Variants in AARS1 observed in about 807,000 individuals in gnomAD.
The protein encoded by AARS1 is alanine--tRNA ligase, cytoplasmic.
A neutral mutation model predicts 108.9 loss-of-function variants in AARS1; 72 were observed. That is an observed-to-expected ratio of 0.66 (90% CI 0.55 to 0.80). The LOEUF is 0.80. AARS1 is among the 30% of genes least tolerant of loss of function. The pLI, the probability that AARS1 is intolerant of heterozygous loss-of-function variation, is 0.00. For missense variants in AARS1, 1,193 were observed against 1,233.2 expected (o/e 0.97, Z 0.49); for synonymous variants, 489 against 465.7 (o/e 1.05, Z -0.64).
At chr16:70,279,487 C>G (rs1009116887) in intron 2 of AARS1, among the ~76,000 whole-genome samples, 12 of 151,392 alleles carry the variant, frequency 7.9e-5, no homozygotes, top group Non-Finnish European at 1.5e-4. Flanking sequence ...TGGCGAAACC[C>G]TGTCTCTACT....
At chr16:70,282,318 G>C (rs1960717047) in intron 2 of AARS1, among the ~76,000 whole-genome samples, 1 of 111,940 alleles carries the variant, frequency 8.9e-6, no homozygotes, top group South Asian at 3.3e-4. Flanking sequence ...GACAGAGCGA[G>C]ACTCCGTCTC....
intron 4 of AARS1, among the ~76,000 whole-genome samples, chr16:70,272,779 G>A (rs1015001072): frequency 6.8e-5 from 9 of 132,204 alleles, no homozygotes; most frequent in Admixed American, 2.8e-4. Context: ...AAAATTAGCT[G>A]GGGGGGTGAT....
At chr16:70,281,529 G>A (rs79809458) in intron 2 of AARS1, among the ~76,000 whole-genome samples, 10,743 of 152,060 alleles carry the variant, frequency 0.071, 1,276 homozygotes, top group African/African-American at 0.24. Flanking sequence ...AGCCAGGTGT[G>A]GTGGCGCACG....
chr16:70,259,028 C>T lies in AARS1; in HGVS notation c.1944G>A (p.Gln648=). Residue 648 remains glutamine, a synonymous_variant, in exon 14 of 21, where the codon CAG becomes CAA. Coordinates refer to ENST00000261772, the MANE Select transcript of AARS1 (RefSeq NM_001605.3). ...TAGCAATCTCTTCAGCCTTCTTGAT[C>T]TGTTGGGTGGACATGGCTCCCTTGG... ...FTAKGAMSTQ[Q]IKKAEEIANE... is the part of the protein sequence containing the mutation. 6.2e-7 allele frequency: 1 copy of T among 1,614,200 alleles called. No homozygotes were observed. Among genetic ancestry groups the T allele is most frequent in the Non-Finnish European group, 8.5e-7 (1 of 1,180,046 alleles).
rs757475130 is a variant in AARS1 at position 70,282,675 on chromosome 16, G to A, written c.89C>T (p.Ala30Val). The change falls in exon 2 of 21, where the codon GCC becomes GTC. Residue 30 changes from alanine to valine, a missense_variant. Physicochemically the swap from Ala to Val is moderately conservative, Grantham distance 64. Coordinates refer to ENST00000261772, the MANE Select transcript of AARS1 (RefSeq NM_001605.3). Reference sequence around the variant, plus strand: ...AGTGGGGTCATCCAATGGGATGGTGGCAGACGAGTGAACATACGTATGCTC... The same window carrying A: ...AGTGGGGTCATCCAATGGGATGGTGACAGACGAGTGAACATACGTATGCTC... ...RNEHTYVHSS[A>V]TIPLDDPTLL... 4 of 1,614,168 alleles carry A rather than the reference G, an allele frequency of 2.5e-6. No individual in the cohort carries two copies. The South Asian group carries it at 3.3e-5, about 13-fold the overall frequency.
At position 70,282,607 on chromosome 16, in the gene AARS1, GA is replaced by G. The variant is rs751575387; in HGVS notation, c.144+12del. On this transcript the variant is annotated intron_variant, in intron 2 of 20. Coordinates refer to ENST00000261772, the MANE Select transcript of AARS1 (RefSeq NM_001605.3). ...TGTGAACCAAAAGCCAAGAAAAAAGGAAAAACCCTTACCTGGTTCATGCCTG... is the reference window on the plus strand; with the variant it reads ...TGTGAACCAAAAGCCAAGAAAAAAGGAAAACCCTTACCTGGTTCATGCCTG... 4 of 1,613,932 alleles carry G rather than the reference GA, an allele frequency of 2.5e-6. No homozygotes were observed. The African/African-American group carries it at 5.3e-5, about 22-fold the overall frequency.
intron 7 of AARS1, 79 bp downstream of exon 7, chr16:70,269,539 C>A (rs1960347011): frequency 1.3e-5 from 21 of 1,592,450 alleles, no homozygotes; most frequent in Non-Finnish European, 1.4e-5. Flanking sequence ...ATCTCACACA[C>A]AAAGAAAAGT....
Position 70,252,397 on chromosome 16 carries a change from C to A in AARS1, c.*324G>T, listed in dbSNP as rs141837805. On this transcript the variant is annotated 3_prime_UTR_variant, in exon 21 of 21. Transcript: ENST00000261772. ...AGATCATGCGGCATTAAGTATTGCA[C>A]GTGGTCCTTTTATTCTCTGCAGCAA... 1 of 436,418 alleles carries A rather than the reference C, an allele frequency of 2.3e-6. No individual in the cohort carries two copies. Among genetic ancestry groups the A allele is most frequent in the Non-Finnish European group, 4.3e-6 (1 of 235,232 alleles). The allele number at this position is 436,418 out of a possible 1,614,324, so 27.0% of individuals were successfully genotyped here. A position where few individuals can be genotyped will look rare whatever the true frequency, so the allele number is the denominator to read the frequency against.
chr16:70,254,769 GGTCTGAGTCAGACTCACTATCCTGT>G (rs750530353), intron 16 of AARS1, 35 bp from the exon 17 acceptor site: 1 of 1,433,006 alleles, frequency 7.0e-7, no homozygotes, highest in Non-Finnish European at 9.8e-7. Flanking sequence ...CCAAGCAGGA[GGTCTGAGTCAGACTCACTATCCTGT>G]GTCTGAGCAG....
Position 70,277,057 on chromosome 16 carries a change from T to G in AARS1, c.242A>C (p.Lys81Thr), listed in dbSNP as rs786205157. Residue 81 changes from lysine to threonine, a missense_variant, in exon 3 of 21, where the codon AAA (lysine) becomes ACA (threonine). Physicochemically the swap from Lys to Thr is moderately conservative, Grantham distance 78. Transcript: ENST00000261772. ...NTQKCIRAGG[K>T]HNDLDDVGKD... ...GCCCACATCGTCCAGGTCATTATGT[T>G]TGCCCCCAGCCCGGATGCACTTCTG... is the stretch of plus-strand genomic sequence containing the variant. 6.2e-7 allele frequency: 1 copy of G among 1,614,054 alleles called. No homozygotes were observed. The highest frequency in any genetic ancestry group is 1.3e-5 in the African/African-American group (1 of 74,940).
At chr16:70,262,602 A>T (rs1048225068) in intron 11 of AARS1, 78 bp from the exon 12 acceptor site, 2 of 1,427,162 alleles carry the variant, frequency 1.4e-6, no homozygotes, top group Admixed American at 4.4e-5. Context: ...CTTTTGCTGG[A>T]TTCTCTTTCG....
chr16:70,277,895 G>A (rs1960587516), intron 2 of AARS1, among the ~76,000 whole-genome samples: 3 of 152,002 alleles, frequency 2.0e-5, no homozygotes, highest in Non-Finnish European at 2.9e-5. Context: ...TGAGATTACA[G>A]GCACGTACAG....
rs777378111 is a variant in AARS1, at chr16:70,271,818, G to A, written c.634C>T (p.Leu212=). 2 of 1,613,702 alleles carry A rather than the reference G, an allele frequency of 1.2e-6. No homozygotes were observed. Among genetic ancestry groups the A allele is most frequent in the Admixed American group, 1.7e-5 (1 of 59,952 alleles). Residue 212 remains leucine (L), a synonymous_variant, in exon 5 of 21, where the codon CTG becomes TTG. Coordinates refer to ENST00000261772, the MANE Select transcript of AARS1 (RefSeq NM_001605.3). ...HLVNQDDPNV[L]EIWNLVFIQY... ...ATGAACACAAGGTTCCAGATCTCCA[G>A]CACATTAGGGTCGTCCTGGTTGACA...
intron 5 of AARS1, 111 bp from the exon 6 acceptor site, chr16:70,270,451 G>A (rs1445855880): frequency 7.2e-7 from 1 of 1,386,280 alleles, no homozygotes; most frequent in African/African-American, 1.4e-5. Context: ...GTGACCATCT[G>A]CCATTTGCCC....
chr16:70,286,594 T>G (rs1960848015), intron 1 of AARS1, among the ~76,000 whole-genome samples: 1 of 152,036 alleles, frequency 6.6e-6, no homozygotes, highest in African/African-American at 2.4e-5. Context: ...TCCCAGTACT[T>G]TGGGAGGTCG....
At chr16:70,267,078 C>T (rs529763400) in intron 9 of AARS1, among the ~76,000 whole-genome samples, 4 of 152,108 alleles carry the variant, frequency 2.6e-5, no homozygotes, top group Admixed American at 1.3e-4. Flanking sequence ...CCTCGTGATC[C>T]GCCCGCCTCG....
At chr16:70,285,415 G>A (rs1181221214) in intron 1 of AARS1, among the ~76,000 whole-genome samples, 1 of 152,044 alleles carries the variant, frequency 6.6e-6, no homozygotes, top group Non-Finnish European at 1.5e-5. Flanking sequence ...AAGTAACTGG[G>A]ACTACAGTTG....
chr16:70,288,098 C>CTTTTT (rs34369477), intron 1 of AARS1, among the ~76,000 whole-genome samples: 101 of 83,908 alleles, frequency 1.2e-3, no homozygotes, highest in East Asian at 3.0e-3. Context: ...TCCCCTTCTT[C>CTTTTT]TTTTTTTTTT....
At chr16:70,265,428 GA>G in intron 10 of AARS1, 109 bp downstream of exon 10, 5 of 1,536,054 alleles carry the variant, frequency 3.3e-6, no homozygotes, top group Non-Finnish European at 4.5e-6. Flanking sequence ...TGATCTAGGG[GA>G]AAAAGCACTT....
Sources: allele counts gnomAD v4.1 joint callset (sites outside exome capture counted in the v4.1 genomes callset), GRCh38; gene constraint gnomAD v4.1.1; transcripts MANE v1.5; gene names NCBI Gene and HGNC (gene_info 2026-07-23, HGNC 2026-07-21).